The following RCL1 variants were observed in gnomAD, a reference collection of about 807,000 sequenced individuals.
RCL1 encodes the protein RNA 3'-terminal phosphate cyclase-like protein.
RCL1 carries 24 observed loss-of-function variants against 42.4 expected under a neutral mutation model. The observed-to-expected ratio is 0.57, with a 90% CI of 0.41 to 0.80. RCL1 has a LOEUF of 0.80. RCL1 is among the 30% of genes least tolerant of loss of function. RCL1 has a pLI of 0.00. For synonymous variants in RCL1, 228 were observed against 177.3 expected (o/e 1.29, Z -2.27); for missense variants, 578 against 467.9 (o/e 1.24, Z -2.17).
intron 1 of RCL1, among the ~76,000 whole-genome samples, chr9:4,796,975 A>G (rs1424418578): frequency 6.6e-6 from 1 of 152,222 alleles, no homozygotes; most frequent in Non-Finnish European, 1.5e-5. Flanking sequence ...TTTTAAGTCA[A>G]AAAGTTCTTT....
intron 1 of RCL1, among the ~76,000 whole-genome samples, chr9:4,807,420 T>G (rs1442235686): frequency 6.6e-6 from 1 of 152,242 alleles, no homozygotes; most frequent in Non-Finnish European, 1.5e-5. Flanking sequence ...ATTGCCTTAG[T>G]TGTATCCCAT....
At chr9:4,796,663 T>C (rs370898263) in intron 1 of RCL1, among the ~76,000 whole-genome samples, 2 of 152,180 alleles carry the variant, frequency 1.3e-5, no homozygotes, top group Non-Finnish European at 2.9e-5. Context: ...GCCTTCCAAA[T>C]TGCTGGGATT....
At chr9:4,825,780 G>A (rs1174869606) in intron 2 of RCL1, among the ~76,000 whole-genome samples, 1 of 152,106 alleles carries the variant, frequency 6.6e-6, no homozygotes, top group Non-Finnish European at 1.5e-5. Flanking sequence ...GTTCATGCCT[G>A]TAATCCCAGC....
chr9:4,849,336 T>A (rs974989941), intron 7 of RCL1, 111 bp from the exon 8 acceptor site: 1 of 747,716 alleles, frequency 1.3e-6, no homozygotes, highest in African/African-American at 1.8e-5. Context: ...TATTGTTGCT[T>A]GAACTTTGGA....
chr9:4,806,689 T>G (rs933622231), intron 1 of RCL1, among the ~76,000 whole-genome samples: 1 of 151,998 alleles, frequency 6.6e-6, no homozygotes. Flanking sequence ...TTAAGGACTT[T>G]TGTTTGTATG....
At chr9:4,838,682 A>G (rs528605298) in intron 5 of RCL1, among the ~76,000 whole-genome samples, 20 of 152,318 alleles carry the variant, frequency 1.3e-4, no homozygotes, top group African/African-American at 4.6e-4. Context: ...GGACTTGTAC[A>G]TTGGTATTGG....
chr9:4,807,137 G>C (rs1174576298), intron 1 of RCL1, among the ~76,000 whole-genome samples: 1 of 152,108 alleles, frequency 6.6e-6, no homozygotes, highest in Non-Finnish European at 1.5e-5. Flanking sequence ...GGGGGCGTGG[G>C]GGTGTCTTGT....
At chr9:4,852,539 C>G (rs1404742546) in intron 8 of RCL1, among the ~76,000 whole-genome samples, 3 of 152,200 alleles carry the variant, frequency 2.0e-5, no homozygotes, top group Non-Finnish European at 2.9e-5. Context: ...CTACCACGCG[C>G]TACCAGGAGA....
intron 1 of RCL1, chr9:4,804,980 G>T (rs924301313): frequency 6.6e-6 from 1 of 152,412 alleles, no homozygotes; most frequent in African/African-American, 2.4e-5. Context: ...TCTGCTTCCC[G>T]TTGGGTGGAA....
intron 1 of RCL1, among the ~76,000 whole-genome samples, chr9:4,800,758 T>C (rs1842987054): frequency 6.6e-6 from 1 of 151,542 alleles, no homozygotes; most frequent in African/African-American, 2.4e-5. Context: ...GTTCAAGTGA[T>C]TCTCCTGCCT....
At chr9:4,814,402 G>T (rs1211384514) in intron 1 of RCL1, among the ~76,000 whole-genome samples, 1 of 151,948 alleles carries the variant, frequency 6.6e-6, no homozygotes, top group East Asian at 1.9e-4. Context: ...TTCCGGCCTG[G>T]TCTCCCTACA....
At position 4,844,565 on chromosome 9, in the gene RCL1, A is replaced by G. The variant is rs1817445496; in HGVS notation, c.751A>G (p.Ser251Gly). 2 of 1,613,726 alleles carry G rather than the reference A, an allele frequency of 1.2e-6. No individual in the cohort carries two copies. Among genetic ancestry groups the G allele is most frequent in the South Asian group, 1.1e-5 (1 of 90,992 alleles). The change falls in exon 7 of 9, where the codon AGT becomes GGT. Residue 251 changes from serine (S) to glycine (G), a missense_variant. Coordinates refer to ENST00000381750, the MANE Select transcript of RCL1 (RefSeq NM_005772.5). ...FGLSLVAETT[S>G]GTFLSAELAS... ...GTTGTCACTGGTTGCTGAGACCACC[A>G]GTGGCACCTTCCTCAGTGCTGAACT...
At chr9:4,839,872 G>C in intron 5 of RCL1, 1 of 985,610 alleles carries the variant, frequency 1.0e-6, no homozygotes, top group Non-Finnish European at 1.2e-6. Flanking sequence ...AAGTTCAAGT[G>C]GAGCTAACAC....
At chr9:4,816,420 CTG>C (rs1346407644) in intron 1 of RCL1, among the ~76,000 whole-genome samples, 1 of 152,140 alleles carries the variant, frequency 6.6e-6, no homozygotes, top group South Asian at 2.1e-4. Flanking sequence ...AATATAAACT[CTG>C]TGTTACATTT....
intron 1 of RCL1, among the ~76,000 whole-genome samples, chr9:4,802,287 C>G (rs1237572769): frequency 6.6e-6 from 1 of 152,066 alleles, no homozygotes; most frequent in Non-Finnish European, 1.5e-5. Context: ...GTTGGTTAGA[C>G]TGATTCCTCC....
intron 3 of RCL1, among the ~76,000 whole-genome samples, chr9:4,832,783 G>T (rs915657971): frequency 9.0e-5 from 13 of 144,806 alleles, no homozygotes; most frequent in African/African-American, 2.3e-4. Flanking sequence ...ACTCCAGCCT[G>T]GTGACAGAGC....
chr9:4,855,312 G>A (rs1398181735), intron 8 of RCL1, among the ~76,000 whole-genome samples: 2 of 151,714 alleles, frequency 1.3e-5, no homozygotes, highest in Admixed American at 6.6e-5. Flanking sequence ...TATTTGCGCT[G>A]TGTGGGTGGT....
chr9:4,839,519 G>T (rs41279561), intron 5 of RCL1: 4 of 222,536 alleles, frequency 1.8e-5, no homozygotes, highest in Non-Finnish European at 3.0e-5. Flanking sequence ...CCTGGGGACA[G>T]TGGGCAGCCT....
chr9:4,838,968 ACT>A (rs1817226531), intron 5 of RCL1, among the ~76,000 whole-genome samples: 1 of 152,318 alleles, frequency 6.6e-6, no homozygotes, highest in Non-Finnish European at 1.5e-5. Flanking sequence ...GTGCCTCCAA[ACT>A]CTGTGAGGAA....
Sources: allele counts gnomAD v4.1 joint callset (sites outside exome capture counted in the v4.1 genomes callset), GRCh38; gene constraint gnomAD v4.1.1; transcripts MANE v1.5; gene names NCBI Gene and HGNC (gene_info 2026-07-23, HGNC 2026-07-21).